COL24A1: variants seen among roughly 807,000 people sequenced by gnomAD.
COL24A1 encodes collagen type XXIV alpha 1 chain.
Under a neutral mutation model 253.9 loss-of-function variants are expected in COL24A1, and 224 were observed. That is an observed-to-expected ratio of 0.88 (90% confidence interval 0.79 to 0.99). The LOEUF (loss-of-function observed/expected upper bound fraction) is 0.99. Ranked by LOEUF, COL24A1 falls within the 50% of genes least tolerant of loss-of-function variation. The probability of loss-of-function intolerance (pLI) is 0.00; values close to 1 mark genes in which losing one functional copy is unlikely to be tolerated. For missense variants in COL24A1, 2,131 were observed against 2,068.5 expected (o/e 1.03, Z -0.59); for synonymous variants, 685 against 673.7 (o/e 1.02, Z -0.26).
chr1:86,050,811 C>T (rs1313570183), intron 10 of COL24A1, among the ~76,000 whole-genome samples: 1 of 152,070 alleles, frequency 6.6e-6, no homozygotes, highest in Non-Finnish European at 1.5e-5. Context: ...ATCTGAGAAA[C>T]AAGGGATACA....
chr1:85,881,399 A>G (rs1006351101), intron 32 of COL24A1, among the ~76,000 whole-genome samples: 18 of 152,064 alleles, frequency 1.2e-4, no homozygotes, highest in African/African-American at 4.3e-4. Flanking sequence ...CGGGCCGATC[A>G]CGAGGTCAGG....
chr1:85,817,131 C>T (rs377032656), intron 46 of COL24A1, among the ~76,000 whole-genome samples: 5 of 152,172 alleles, frequency 3.3e-5, no homozygotes, highest in East Asian at 3.9e-4. Flanking sequence ...CAGCAATTTA[C>T]TGTGTAACTT....
chr1:85,830,679 G>T (rs902196816), intron 43 of COL24A1, among the ~76,000 whole-genome samples: 1 of 152,114 alleles, frequency 6.6e-6, no homozygotes, highest in African/African-American at 2.4e-5. Flanking sequence ...AGAGTGACCC[G>T]ATTTTCCAGG....
At chr1:86,141,279 G>A (rs1651034569) in intron 2 of COL24A1, among the ~76,000 whole-genome samples, 1 of 152,164 alleles carries the variant, frequency 6.6e-6, no homozygotes, top group Non-Finnish European at 1.5e-5. Flanking sequence ...ATTCAGCATT[G>A]AGGCTTCAAA....
chr1:85,875,412 G>A, intron 33 of COL24A1, 82 bp from the exon 34 acceptor site: 1 of 1,090,568 alleles, frequency 9.2e-7, no homozygotes, highest in Non-Finnish European at 1.4e-6. Flanking sequence ...TCAAGGGTGA[G>A]ATACCTGTGT....
intron 12 of COL24A1, among the ~76,000 whole-genome samples, chr1:86,037,610 G>A (rs1699139012): frequency 2.0e-5 from 3 of 152,124 alleles, no homozygotes. Flanking sequence ...CCCCAGTCAA[G>A]CTTCCAGATG....
intron 37 of COL24A1, among the ~76,000 whole-genome samples, chr1:85,865,462 A>G (rs887119658): frequency 1.3e-5 from 2 of 152,198 alleles, no homozygotes; most frequent in Admixed American, 1.3e-4. Flanking sequence ...GATGTGTACT[A>G]GGCATGATTT....
Position 85,911,375 on chromosome 1 carries a change from A to C in COL24A1, c.2616+5T>G. 6.2e-7 allele frequency: 1 copy of C among 1,610,234 alleles called. No homozygotes were observed. The highest frequency in any genetic ancestry group is 8.5e-7 in the Non-Finnish European group (1 of 1,177,940). On this transcript the variant is annotated splice_donor_5th_base_variant and intron_variant, in intron 25 of 59. Coordinates refer to ENST00000370571, the MANE Select transcript of COL24A1 (RefSeq NM_152890.7). Reference sequence around the variant, plus strand: ...TATAAAACAAAATAATTCTTAAAAAATTACCTTTTCGCCAATGCTTCCAGT... The same window carrying C: ...TATAAAACAAAATAATTCTTAAAAACTTACCTTTTCGCCAATGCTTCCAGT...
intron 12 of COL24A1, among the ~76,000 whole-genome samples, chr1:86,045,585 T>A (rs1226059082): frequency 3.3e-5 from 5 of 152,114 alleles, no homozygotes; most frequent in African/African-American, 1.2e-4. Context: ...CACACCAATG[T>A]ATTCAAGTGT....
chr1:85,836,611 A>C (rs1325006006), intron 43 of COL24A1, among the ~76,000 whole-genome samples: 1 of 152,214 alleles, frequency 6.6e-6, no homozygotes, highest in African/African-American at 2.4e-5. Context: ...AGAAAGGTGG[A>C]TATTTCATGA....
rs200283343 is a variant in COL24A1, at chr1:85,744,907, ATG to A, written c.4504-75_4504-74del. ...CAACATGGGCCAAGGCAGGAGAAGA[ATG>A]TGTTTCCATTATGTGTAGTAAGTTG... On this transcript the variant is annotated intron_variant, in intron 56 of 59. Coordinates refer to ENST00000370571, the MANE Select transcript of COL24A1 (RefSeq NM_152890.7). 9.0e-3 allele frequency: 10,348 copies of A among 1,146,268 alleles called. 494 individuals carry two copies. The Admixed American group carries it at 0.1, about 11-fold the overall frequency. 71.0% of individuals were successfully genotyped at this position (1,146,268 alleles called of 1,614,324 possible).
At chr1:85,767,455 A>C (rs1667498976) in intron 53 of COL24A1, among the ~76,000 whole-genome samples, 1 of 152,204 alleles carries the variant, frequency 6.6e-6, no homozygotes, top group Non-Finnish European at 1.5e-5. Flanking sequence ...GAAAAGGTTT[A>C]ACGGCACATT....
chr1:86,115,437 A>G lies in COL24A1; in HGVS notation c.1492-59T>C, dbSNP rs187767500. 136 of 1,497,290 alleles carry G rather than the reference A, an allele frequency of 9.1e-5. No individual in the cohort carries two copies. The African/African-American group carries it at 1.7e-3, about 18-fold the overall frequency. The allele number at this position is 1,497,290 out of a possible 1,614,324, so 92.8% of individuals were successfully genotyped here. A position where few individuals can be genotyped will look rare whatever the true frequency, so the allele number is the denominator to read the frequency against. ...TAGTGGACACATTTATTTTCTTACG[A>G]GTCTGAATAAGATTTCCACCCAAAG... is the stretch of plus-strand genomic sequence containing the variant. On this transcript the variant is annotated intron_variant, in intron 3 of 59. Transcript: ENST00000370571.
At chr1:85,914,425 CTG>C (rs924465599) in intron 24 of COL24A1, among the ~76,000 whole-genome samples, 8 of 147,992 alleles carry the variant, frequency 5.4e-5, no homozygotes, top group African/African-American at 2.0e-4. Flanking sequence ...GAGTCTCACT[CTG>C]TCACCCAGCT....
intron 4 of COL24A1, among the ~76,000 whole-genome samples, chr1:86,113,223 A>G (rs369715593): frequency 1.3e-5 from 2 of 152,218 alleles, no homozygotes; most frequent in African/African-American, 4.8e-5. Context: ...ACTAATCCTT[A>G]TAACAATCCT....
chr1:85,879,111 T>C (rs1219331293), intron 32 of COL24A1, among the ~76,000 whole-genome samples: 1 of 152,188 alleles, frequency 6.6e-6, no homozygotes, highest in African/African-American at 2.4e-5. Context: ...AGTTTTTTCT[T>C]TCATGGGTTG....
chr1:85,847,574 A>G, intron 39 of COL24A1, 91 bp downstream of exon 39: 1 of 856,492 alleles, frequency 1.2e-6, no homozygotes, highest in South Asian at 1.6e-5. Context: ...CTTTGTCTGT[A>G]AAGCTAATCA....
chr1:86,068,797 T>C lies in COL24A1; in HGVS notation c.1708-5038A>G, dbSNP rs537603893. On this transcript the variant is annotated intron_variant, in intron 7 of 59. Transcript: ENST00000370571. The stretch of plus-strand genomic sequence containing the variant: ...GGATACCAGCTCAGCCACAGTGTAA[T>C]AGAGCACCAAGCAGAGACGTGAGGC... Among the ~76,000 whole-genome samples, 48 of 152,056 alleles carry C rather than the reference T, an allele frequency of 3.2e-4. No individual in the cohort carries two copies. The South Asian group carries it at 5.6e-3, about 18-fold the overall frequency.
At chr1:85,908,450 G>A (rs1313690821) in intron 27 of COL24A1, 148 bp downstream of exon 27, 5 of 460,384 alleles carry the variant, frequency 1.1e-5, no homozygotes. Flanking sequence ...AAATTCAAGA[G>A]TGTTTTGTAT....
Sources: gnomAD v4.1 joint callset for allele counts (sites outside exome capture counted in the v4.1 genomes callset) on GRCh38, gnomAD v4.1.1 for gene constraint, MANE v1.5 for transcripts, NCBI Gene and HGNC (gene_info 2026-07-23, HGNC 2026-07-21) for gene names.